GPR89A: variants seen among roughly 807,000 people sequenced by gnomAD.
GPR89A encodes golgi pH regulator A.
GPR89A carries 16 observed loss-of-function variants against 52.0 expected under a neutral mutation model. The observed-to-expected ratio is 0.31, with a 90% CI of 0.21 to 0.47. The LOEUF is 0.47. Among genes scored for constraint, GPR89A ranks in the 20% least tolerant of loss-of-function variants. The pLI is 1.00. For missense variants in GPR89A, 135 were observed against 449.4 expected, an observed-to-expected ratio of 0.30 and a Z score of 6.33; for synonymous variants, 55 against 150.9, an observed-to-expected ratio of 0.36 and a Z score of 4.66.
chr1:145,617,516 T>G (rs1648802982), intron 2 of GPR89A, among the ~76,000 whole-genome samples: 1 of 151,934 alleles, frequency 6.6e-6, no homozygotes. Context: ...CATAAGAAAT[T>G]TAAAAAGTAT....
intron 5 of GPR89A, among the ~76,000 whole-genome samples, chr1:145,626,805 C>G (rs1649528302): frequency 6.6e-6 from 1 of 151,684 alleles, no homozygotes; most frequent in Non-Finnish European, 1.5e-5. Context: ...GAAAAATTAG[C>G]CAGGCATGGT....
Position 145,669,654 on chromosome 1 carries a change from C to A in GPR89A, c.1125C>A (p.Ser375=). 1 of 1,611,400 alleles carries A rather than the reference C, an allele frequency of 6.2e-7. No individual in the cohort carries two copies. The change falls in exon 13 of 14, where the codon TCC becomes TCA. Residue 375 remains serine, a synonymous_variant. Transcript: ENST00000313835. The stretch of plus-strand genomic sequence containing the variant: ...TTTATGCCATCTCTAGCAGTAAGTC[C>A]TCCAATGTCATTGTCCTGCTATTAG... ...KFFYAISSSK[S]SNVIVLLLAQ...
intron 7 of GPR89A, among the ~76,000 whole-genome samples, chr1:145,641,004 A>G (rs373621179): frequency 6.6e-6 from 1 of 151,700 alleles, no homozygotes; most frequent in South Asian, 2.1e-4. Flanking sequence ...AAAATTAGTG[A>G]CAACACCAAA....
chr1:145,628,614 C>T (rs1159889870), intron 5 of GPR89A, among the ~76,000 whole-genome samples: 3 of 151,922 alleles, frequency 2.0e-5, no homozygotes, highest in Non-Finnish European at 2.9e-5. Context: ...TCAATAATAT[C>T]TACCTCATAG....
At chr1:145,629,190 A>C (rs1345203932) in intron 5 of GPR89A, among the ~76,000 whole-genome samples, 8 of 152,136 alleles carry the variant, frequency 5.3e-5, no homozygotes, top group Admixed American at 3.9e-4. Flanking sequence ...GACAGTTCCC[A>C]GGGCCCAGAG....
chr1:145,633,090 GTTAT>G (rs1559033321), intron 7 of GPR89A, among the ~76,000 whole-genome samples: 1 of 131,172 alleles, frequency 7.6e-6, no homozygotes, highest in Non-Finnish European at 1.6e-5. Flanking sequence ...TAAAAATCAG[GTTAT>G]TTGTTTTCTT....
chr1:145,656,174 G>C (rs1651794257), intron 10 of GPR89A, among the ~76,000 whole-genome samples: 1 of 152,150 alleles, frequency 6.6e-6, no homozygotes, highest in Non-Finnish European at 1.5e-5. Context: ...CAGTGATGGT[G>C]GCTGTCCCGG....
chr1:145,657,010 A>G (rs1325711803), intron 10 of GPR89A, among the ~76,000 whole-genome samples: 1 of 151,994 alleles, frequency 6.6e-6, no homozygotes, highest in African/African-American at 2.4e-5. Flanking sequence ...TATTAAACCA[A>G]TCTTGCATTC....
chr1:145,646,566 G>C (rs1171748743), intron 9 of GPR89A: 1 of 429,932 alleles, frequency 2.3e-6, no homozygotes, highest in Admixed American at 3.9e-5. Context: ...GGATAAAGAT[G>C]GTAGCTACTT....
chr1:145,610,874 C>T (rs1252107570), intron 1 of GPR89A, among the ~76,000 whole-genome samples: 1 of 151,902 alleles, frequency 6.6e-6, no homozygotes, highest in Non-Finnish European at 1.5e-5. Flanking sequence ...AGCTAATTTT[C>T]AACCCAGAAG....
intron 12 of GPR89A, among the ~76,000 whole-genome samples, chr1:145,666,552 AT>A (rs1356828564): frequency 1.0e-3 from 148 of 146,962 alleles, no homozygotes; most frequent in African/African-American, 1.6e-3. Flanking sequence ...GAATTCAACT[AT>A]TTTTTTTTTT....
chr1:145,653,225 A>G, intron 10 of GPR89A, among the ~76,000 whole-genome samples: 1 of 151,110 alleles, frequency 6.6e-6, no homozygotes, highest in Non-Finnish European at 1.5e-5. Context: ...CCTTAATTTC[A>G]TTATTTACTG....
intron 11 of GPR89A, among the ~76,000 whole-genome samples, chr1:145,663,715 A>G (rs1199688227): frequency 6.6e-6 from 1 of 152,176 alleles, no homozygotes; most frequent in Non-Finnish European, 1.5e-5. Context: ...CTGCTTCTCT[A>G]TAGGCAGCTA....
In GPR89A at chr1:145,623,144, G is replaced by A; in HGVS notation, c.297G>A (p.Val99=). 1 of 1,613,032 alleles carries A rather than the reference G, an allele frequency of 6.2e-7. No individual in the cohort carries two copies. Among genetic ancestry groups the A allele is most frequent in the Non-Finnish European group, 8.5e-7 (1 of 1,179,388 alleles). Residue 99 remains valine (V), a synonymous_variant, in exon 4 of 14, where the codon GTG becomes GTA. Transcript: ENST00000313835. Reference sequence around the variant, plus strand: ...CTTTTTACATTGGCTATTTTATTGTGAGCAATATCCGACTACGTAAGTATT... The same window carrying A: ...CTTTTTACATTGGCTATTTTATTGTAAGCAATATCCGACTACGTAAGTATT... The part of the protein sequence containing the change: ...MVPFYIGYFI[V]SNIRLLHKQR...
intron 10 of GPR89A, among the ~76,000 whole-genome samples, chr1:145,650,345 A>G (rs1206374288): frequency 2.0e-5 from 3 of 151,434 alleles, no homozygotes; most frequent in Admixed American, 6.6e-5. Flanking sequence ...ATAGTATTCC[A>G]TGGTGTATAT....
At chr1:145,659,600 A>T (rs1382195881) in intron 10 of GPR89A, among the ~76,000 whole-genome samples, 2 of 140,498 alleles carry the variant, frequency 1.4e-5, no homozygotes, top group East Asian at 4.0e-4. Context: ...AACAATTGTT[A>T]TTAACTTTTT....
intron 11 of GPR89A, 118 bp downstream of exon 11, chr1:145,663,542 A>G: frequency 2.2e-5 from 19 of 859,762 alleles, no homozygotes; most frequent in Non-Finnish European, 3.4e-5. Context: ...TGTTCTTCCC[A>G]CTCTGTATAT....
chr1:145,665,480 T>C lies in GPR89A; in HGVS notation c.1006-82T>C. On this transcript the variant is annotated intron_variant, in intron 11 of 13. Transcript: ENST00000313835. ...CTAATAAAGCTCCCTCTCACAGTCA[T>C]GTAAATGATCGGGATATAGCTTAGC... The C allele has an allele frequency of 1.1e-5, 18 of 1,589,564 alleles. No individual in the cohort carries two copies. In the South Asian group the frequency reaches 1.8e-4, roughly 16 times the overall value.
At chr1:145,626,304 A>G (rs1209687933) in intron 5 of GPR89A, among the ~76,000 whole-genome samples, 2 of 151,998 alleles carry the variant, frequency 1.3e-5, no homozygotes, top group African/African-American at 2.4e-5. Flanking sequence ...GTGTGCATTC[A>G]GCTCACATGA....
Sources: allele counts gnomAD v4.1 joint callset (sites outside exome capture counted in the v4.1 genomes callset), GRCh38; gene constraint gnomAD v4.1.1; transcripts MANE v1.5; gene names NCBI Gene and HGNC (gene_info 2026-07-23, HGNC 2026-07-21).